Variants in ANKRD62 observed in about 807,000 individuals in gnomAD.
ANKRD62 encodes the protein ankyrin repeat domain-containing protein 62.
ANKRD62 carries 61 observed loss-of-function variants against 98.8 expected under a neutral mutation model. The ratio of observed to expected loss-of-function variants is 0.62; its 90% CI spans 0.50 to 0.76. ANKRD62 has a LOEUF of 0.76. Among genes scored for constraint, ANKRD62 ranks in the 30% least tolerant of loss-of-function variants. The pLI is 0.00. For missense variants in ANKRD62, 933 were observed against 1,082.9 expected (o/e 0.86, Z 1.94); for synonymous variants, 341 against 367.9 (o/e 0.93, Z 0.84).
the ANKRD62 span, among the ~76,000 whole-genome samples, chr18:12,138,597 T>A: frequency 6.6e-6 from 1 of 152,234 alleles, no homozygotes; most frequent in Non-Finnish European, 1.5e-5. Flanking sequence ...TTCCTGGATG[T>A]CCTTGTTAAC....
intron 5 of ANKRD62, chr18:12,098,633 T>G (rs545064725): frequency 1.3e-5 from 2 of 152,328 alleles, no homozygotes; most frequent in South Asian, 4.1e-4. Context: ...AAATTACACA[T>G]TTTCATTACA....
chr18:12,161,215 A>AT, the ANKRD62 span, among the ~76,000 whole-genome samples: 2 of 152,108 alleles, frequency 1.3e-5, no homozygotes, highest in Admixed American at 6.5e-5. Context: ...TATTTATACA[A>AT]TTTTACACAC....
At chr18:12,118,891 A>G (rs914866978) in intron 10 of ANKRD62, among the ~76,000 whole-genome samples, 7 of 152,096 alleles carry the variant, frequency 4.6e-5, no homozygotes, top group African/African-American at 1.4e-4. Context: ...GTTCAGGGTA[A>G]TGCTAACATT....
the ANKRD62 span, among the ~76,000 whole-genome samples, chr18:12,167,941 A>G: frequency 5.3e-5 from 8 of 152,002 alleles, no homozygotes; most frequent in East Asian, 3.9e-4. Context: ...TTTGAGAACT[A>G]TCTATTCATA....
the ANKRD62 span, among the ~76,000 whole-genome samples, chr18:12,151,351 G>A: frequency 2.6e-5 from 4 of 151,974 alleles, no homozygotes; most frequent in Admixed American, 6.6e-5. Flanking sequence ...AGACTTTAAC[G>A]CTCCATTGAC....
In ANKRD62 at chr18:12,095,530, C is replaced by T; in HGVS notation, c.427C>T (p.His143Tyr). The T allele has an allele frequency of 2.6e-6, 4 of 1,560,984 alleles. No individual in the cohort carries two copies. Among genetic ancestry groups the T allele is most frequent in the Non-Finnish European group, 3.5e-6 (4 of 1,159,240 alleles). The change falls in exon 3 of 14, where the codon CAC (histidine) becomes TAC (tyrosine). Residue 143 changes from histidine to tyrosine, a missense_variant. Transcript: ENST00000587848. Reference sequence around the variant, plus strand: ...AGATATGTATGGCAACACTGCTCTGCACTATGCCATTGATAATGAGAATAT... The same window carrying T: ...AGATATGTATGGCAACACTGCTCTGTACTATGCCATTGATAATGAGAATAT... ...VRDMYGNTAL[H>Y]YAIDNENISM...
the ANKRD62 span, among the ~76,000 whole-genome samples, chr18:12,151,201 A>G: frequency 6.6e-6 from 1 of 152,246 alleles, no homozygotes; most frequent in Non-Finnish European, 1.5e-5. Context: ...AGGGCATTAA[A>G]TAATGGTAAA....
intron 10 of ANKRD62, among the ~76,000 whole-genome samples, chr18:12,118,621 A>G (rs937592652): frequency 2.6e-5 from 4 of 151,746 alleles, no homozygotes; most frequent in South Asian, 2.1e-4. Context: ...AAAAAAAAAA[A>G]AAAAAAAGAA....
At chr18:12,160,084 T>G in the ANKRD62 span, among the ~76,000 whole-genome samples, 2 of 152,216 alleles carry the variant, frequency 1.3e-5, no homozygotes, top group Non-Finnish European at 2.9e-5. Context: ...CAGGCTATAA[T>G]CATGTCTTAG....
the ANKRD62 span, among the ~76,000 whole-genome samples, chr18:12,153,717 G>A: frequency 2.0e-5 from 3 of 151,998 alleles, no homozygotes; most frequent in East Asian, 1.9e-4. Context: ...TAGGTTACCC[G>A]ACTTCAAACT....
At chr18:12,095,738 T>C (rs1431780029) in intron 3 of ANKRD62, 128 bp downstream of exon 3, 1 of 867,510 alleles carries the variant, frequency 1.2e-6, no homozygotes, top group Admixed American at 3.3e-5. Context: ...TTGCTTTACA[T>C]ACAACTATTT....
At chr18:12,164,181 C>A in the ANKRD62 span, among the ~76,000 whole-genome samples, 1 of 151,882 alleles carries the variant, frequency 6.6e-6, no homozygotes, top group African/African-American at 2.4e-5. Flanking sequence ...GATCCCATTA[C>A]TTGTTATTGG....
chr18:12,112,110 T>TGAAAA (rs1318094455), intron 8 of ANKRD62, among the ~76,000 whole-genome samples: 2 of 81,870 alleles, frequency 2.4e-5, no homozygotes. Context: ...AGACTCCAAC[T>TGAAAA]CAAAAAAAAA....
At chr18:12,173,349 A>G in the ANKRD62 span, among the ~76,000 whole-genome samples, 3 of 151,946 alleles carry the variant, frequency 2.0e-5, no homozygotes, top group Non-Finnish European at 4.4e-5. Context: ...TGCTTGGTCG[A>G]TTTTTCTCCA....
intron 8 of ANKRD62, among the ~76,000 whole-genome samples, chr18:12,108,997 CA>C (rs1909476637): frequency 1.3e-5 from 2 of 152,236 alleles, no homozygotes; most frequent in Admixed American, 6.5e-5. Flanking sequence ...GCTGCTTTCA[CA>C]GTCTGATGTT....
chr18:12,118,912 T>C (rs1909726107), intron 10 of ANKRD62, among the ~76,000 whole-genome samples: 1 of 152,130 alleles, frequency 6.6e-6, no homozygotes, highest in South Asian at 2.1e-4. Context: ...AAAGAGTGAG[T>C]TGGGGTGTAC....
At chr18:12,114,806 TG>T (rs1262013364) in intron 8 of ANKRD62, among the ~76,000 whole-genome samples, 1 of 152,144 alleles carries the variant, frequency 6.6e-6, no homozygotes, top group Non-Finnish European at 1.5e-5. Context: ...GCAAATAACA[TG>T]TTTTTTTTTC....
the ANKRD62 span, among the ~76,000 whole-genome samples, chr18:12,162,964 G>A: frequency 2.0e-5 from 3 of 152,026 alleles, no homozygotes; most frequent in Admixed American, 6.6e-5. Flanking sequence ...TTCCAGTTTT[G>A]TTCTGTTTAC....
At chr18:12,115,865 C>G (rs888788455) in intron 10 of ANKRD62, among the ~76,000 whole-genome samples, 3 of 152,120 alleles carry the variant, frequency 2.0e-5, no homozygotes, top group Non-Finnish European at 4.4e-5. Context: ...CCCTACTGCC[C>G]CACCTTCCAA....
Sources: gnomAD v4.1 joint callset for allele counts (sites outside exome capture counted in the v4.1 genomes callset) on GRCh38, gnomAD v4.1.1 for gene constraint, MANE v1.5 for transcripts, NCBI Gene and HGNC (gene_info 2026-07-23, HGNC 2026-07-21) for gene names.